The following FYTTD1 variants were observed in gnomAD, a reference collection of about 807,000 sequenced individuals.
FYTTD1 encodes the protein forty-two-three domain containing 1, also known as UAP56-interacting factor.
In FYTTD1, 22 loss-of-function variants were observed where a neutral mutation model predicts 40.9. The ratio of observed to expected loss-of-function variants is 0.54; its 90% confidence interval spans 0.38 to 0.77. FYTTD1 has a LOEUF of 0.77. Ranked by LOEUF, FYTTD1 falls within the 30% of genes least tolerant of loss-of-function variation. The pLI, the probability that FYTTD1 is intolerant of heterozygous loss-of-function variation, is 0.00. For missense variants in FYTTD1, 351 were observed against 392.2 expected (o/e 0.90, Z 0.89); for synonymous variants, 140 against 137.9 (o/e 1.01, Z -0.10).
chr3:197,752,398 C>T (rs1729086132), intron 1 of FYTTD1, among the ~76,000 whole-genome samples: 1 of 152,158 alleles, frequency 6.6e-6, no homozygotes, highest in Admixed American at 6.5e-5. Flanking sequence ...AGTCAGAAGG[C>T]ATATGTGAAC....
chr3:197,759,005 GT>G (rs1235343866), intron 2 of FYTTD1, among the ~76,000 whole-genome samples: 1 of 152,206 alleles, frequency 6.6e-6, no homozygotes, highest in Admixed American at 6.5e-5. Context: ...GTGGTAGAGC[GT>G]ATAGAGTTGT....
At chr3:197,764,005 A>AT (rs1158624866) in intron 2 of FYTTD1, among the ~76,000 whole-genome samples, 21 of 151,976 alleles carry the variant, frequency 1.4e-4, no homozygotes, top group Admixed American at 1.0e-3. Context: ...GGCTTGGAGG[A>AT]TTTTTTTTAA....
At chr3:197,768,079 G>T (rs1489792812) in intron 2 of FYTTD1, among the ~76,000 whole-genome samples, 1 of 151,948 alleles carries the variant, frequency 6.6e-6, no homozygotes, top group African/African-American at 2.4e-5. Context: ...GAAATACCTC[G>T]ATTCAGACTA....
At chr3:197,769,156 C>T (rs963342143) in intron 3 of FYTTD1, among the ~76,000 whole-genome samples, 2 of 150,764 alleles carry the variant, frequency 1.3e-5, no homozygotes, top group African/African-American at 2.4e-5. Flanking sequence ...GGTGCAATCT[C>T]GGCTCACTGC....
At chr3:197,750,135 C>T (rs904575989) in intron 1 of FYTTD1, 61 bp downstream of exon 1, 2 of 1,324,174 alleles carry the variant, frequency 1.5e-6, no homozygotes, top group Non-Finnish European at 2.1e-6. Flanking sequence ...AAGCCGGCGG[C>T]GCGGTTTGTG....
chr3:197,768,958 A>G (rs909208765), intron 3 of FYTTD1, among the ~76,000 whole-genome samples: 4 of 151,714 alleles, frequency 2.6e-5, no homozygotes, highest in African/African-American at 4.8e-5. Context: ...ACTCCCAGCT[A>G]ATTTTCATGT....
Position 197,756,456 on chromosome 3 carries a change from GGAA to G in FYTTD1, c.139_141del (p.Lys47del), listed in dbSNP as rs762506838. The G allele has an allele frequency of 6.2e-7, 1 of 1,607,386 alleles. No homozygotes were observed. Among genetic ancestry groups the G allele is most frequent in the East Asian group, 2.2e-5 (1 of 44,834 alleles). ...ATCATCAAGTTGAATCGAAAGGAAG[GGAA>G]GAAGCAGAATTTTCCAAGACTAAAT... is the stretch of plus-strand genomic sequence containing the variant. On this transcript the variant is annotated inframe_deletion, in exon 2 of 9. Transcript: ENST00000241502.
chr3:197,756,325 A>G (rs2109037009), intron 1 of FYTTD1, 101 bp from the exon 2 acceptor site: 1 of 801,824 alleles, frequency 1.2e-6, no homozygotes. Context: ...CTTTCAAAGT[A>G]GAAAAGAAGT....
At chr3:197,750,158 G>A in intron 1 of FYTTD1, 84 bp downstream of exon 1, 2 of 1,046,644 alleles carry the variant, frequency 1.9e-6, no homozygotes, top group Non-Finnish European at 2.7e-6. Context: ...GGCAGGGGCG[G>A]TCGGCAGCAG....
intron 2 of FYTTD1, among the ~76,000 whole-genome samples, chr3:197,767,323 A>G (rs146677093): frequency 0.022 from 3,310 of 151,418 alleles, 112 homozygotes; most frequent in African/African-American, 0.074. Context: ...TATTTTTAGT[A>G]CAGATGGGGT....
In FYTTD1 at chr3:197,757,627, T is replaced by C. The variant is rs1227426190; in HGVS notation, c.235+1070T>C. ...CTGTCTCCACAAAAAATTTAAAAAT[T>C]AGCCAGGCGTGGTGGTACCTCTTTC... On this transcript the variant is annotated intron_variant, in intron 2 of 8. Coordinates refer to ENST00000241502, the MANE Select transcript of FYTTD1 (RefSeq NM_032288.7). Among the ~76,000 whole-genome samples the C allele has an allele frequency of 1.1e-4, 16 of 152,228 alleles. No homozygotes were observed. The East Asian group carries it at 2.9e-3, about 28-fold the overall frequency.
intron 3 of FYTTD1, among the ~76,000 whole-genome samples, chr3:197,769,548 A>G (rs1729648990): frequency 6.6e-6 from 1 of 152,200 alleles, no homozygotes; most frequent in African/African-American, 2.4e-5. Context: ...GGCTTTAATG[A>G]TGGATTTAAT....
At chr3:197,768,615 G>A (rs1430682133) in intron 3 of FYTTD1, 28 bp downstream of exon 3, 1 of 1,582,274 alleles carries the variant, frequency 6.3e-7, no homozygotes. Context: ...TCCTGGATTA[G>A]ATATCCTTTT....
chr3:197,754,725 C>T (rs1445556693), intron 1 of FYTTD1, among the ~76,000 whole-genome samples: 14 of 140,990 alleles, frequency 9.9e-5, no homozygotes, highest in African/African-American at 2.4e-4. Context: ...AGTGCAGTGG[C>T]GTGATTGTGG....
At chr3:197,766,482 TCACCCCAGCCTGGAGTACA>T (rs1729554376) in intron 2 of FYTTD1, among the ~76,000 whole-genome samples, 9 of 118,594 alleles carry the variant, frequency 7.6e-5, no homozygotes, top group African/African-American at 2.7e-4. Flanking sequence ...TCTTGCTCTG[TCACCCCAGCCTGGAGTACA>T]GTGTGATCTT....
intron 4 of FYTTD1, among the ~76,000 whole-genome samples, chr3:197,771,672 G>C (rs1201805622): frequency 6.6e-6 from 1 of 150,478 alleles, no homozygotes; most frequent in African/African-American, 2.4e-5. Context: ...AGCTACTTGG[G>C]AGGCTGAGGC....
At chr3:197,781,697 G>A in intron 8 of FYTTD1, 114 bp from the exon 9 acceptor site, 1 of 689,286 alleles carries the variant, frequency 1.5e-6, no homozygotes, top group Middle Eastern at 2.5e-4. Context: ...AATTTTAGCT[G>A]TCATTACTTG....
chr3:197,756,304 T>C (rs1479788084), intron 1 of FYTTD1, 122 bp from the exon 2 acceptor site: 1 of 701,254 alleles, frequency 1.4e-6, no homozygotes, highest in East Asian at 2.7e-5. Context: ...TATTATCCTC[T>C]TATGGAAGTG....
chr3:197,755,333 T>C (rs1464529915), intron 1 of FYTTD1, among the ~76,000 whole-genome samples: 2 of 152,368 alleles, frequency 1.3e-5, no homozygotes, highest in Non-Finnish European at 1.5e-5. Flanking sequence ...CTGACACATA[T>C]ATTTGTTGCA....
Sources: gnomAD v4.1 joint callset for allele counts (sites outside exome capture counted in the v4.1 genomes callset) on GRCh38, gnomAD v4.1.1 for gene constraint, MANE v1.5 for transcripts, NCBI Gene and HGNC (gene_info 2026-07-23, HGNC 2026-07-21) for gene names.